EVC: variants seen among roughly 807,000 people sequenced by gnomAD.
EVC encodes the protein EvC ciliary complex subunit 1.
A neutral mutation model predicts 118.9 loss-of-function variants in EVC; 116 were observed. The ratio of observed to expected loss-of-function variants is 0.98; its 90% CI spans 0.84 to 1.14. EVC has a LOEUF of 1.14. EVC is among the 50% of genes most tolerant of loss of function. The probability of loss-of-function intolerance (pLI) is 0.00; values close to 1 mark genes in which losing one functional copy is unlikely to be tolerated. For missense variants in EVC, 1,401 were observed against 1,246.4 expected, an observed-to-expected ratio of 1.12 and a Z score of -1.87; for synonymous variants, 619 against 534.7, an observed-to-expected ratio of 1.16 and a Z score of -2.18.
Position 5,811,357 on chromosome 4 carries a change from C to T in EVC, c.*320C>T. 1 of 371,646 alleles carries T rather than the reference C, an allele frequency of 2.7e-6. No homozygotes were observed. The highest frequency in any genetic ancestry group is 2.4e-5 in the South Asian group (1 of 41,432). The allele number at this position is 371,646 out of a possible 1,614,324, so 23.0% of individuals were successfully genotyped here. On this transcript the variant is annotated 3_prime_UTR_variant, in exon 21 of 21. Transcript: ENST00000264956. Reference sequence around the variant, plus strand: ...GGGGTCCGAGCCTCAGGCCAAGGACCCCTGATGCAGACTCTGGAATCCCTG... The same window carrying T: ...GGGGTCCGAGCCTCAGGCCAAGGACTCCTGATGCAGACTCTGGAATCCCTG...
chr4:5,801,895 G>A, intron 15 of EVC, 55 bp from the exon 16 acceptor site: 1 of 1,595,524 alleles, frequency 6.3e-7, no homozygotes, highest in Non-Finnish European at 8.5e-7. Context: ...ATGGGCCGTG[G>A]GTGGCTCCCA....
rs1729420854 is a variant in EVC, at chr4:5,746,835, TG to T, written c.940-1312del. On this transcript the variant is annotated intron_variant, in intron 7 of 20. Transcript: ENST00000264956. The surrounding 1 kb of genome is among the most constrained non-coding windows in gnomAD (Gnocchi z 5.8). ...CTGCCCATATTTAAGGAGGAGCGGA[TG>T]AGAAGAATTGGGACAAGAAAGCAGA... Among the ~76,000 whole-genome samples the T allele has an allele frequency of 6.6e-6, 1 of 151,986 alleles. No individual in the cohort carries two copies. The highest frequency in any genetic ancestry group is 1.9e-4 in the East Asian group (1 of 5,162).
intron 5 of EVC, among the ~76,000 whole-genome samples, chr4:5,735,601 A>G (rs1015860013): frequency 6.6e-6 from 1 of 152,166 alleles, no homozygotes; most frequent in African/African-American, 2.4e-5. Context: ...ACACTCTGGT[A>G]GGCTCAGTGC....
intron 1 of EVC, among the ~76,000 whole-genome samples, chr4:5,715,642 T>C (rs73200140): frequency 0.18 from 27,246 of 152,154 alleles, 2,535 homozygotes; most frequent in African/African-American, 0.21. Context: ...AACTTCTATG[T>C]CTGAAAATAT....
At chr4:5,720,482 T>A (rs1202974262) in intron 2 of EVC, among the ~76,000 whole-genome samples, 1 of 151,856 alleles carries the variant, frequency 6.6e-6, no homozygotes, top group Admixed American at 6.5e-5. Flanking sequence ...ACTTCTAGCC[T>A]CTGCTCCTTT....
chr4:5,753,068 G>A lies in EVC; in HGVS notation c.1315+16G>A. The stretch of plus-strand genomic sequence containing the variant: ...TTCAGCCGGGGTGAGCCGTGGGCAT[G>A]GGTGCCGCCGTCCACAACACTGGCC... On this transcript the variant is annotated intron_variant, in intron 9 of 20. Coordinates refer to ENST00000264956, the MANE Select transcript of EVC (RefSeq NM_153717.3). 1.3e-6 allele frequency: 2 copies of A among 1,566,744 alleles called. No individual in the cohort carries two copies. Among genetic ancestry groups the A allele is most frequent in the East Asian group, 2.3e-5 (1 of 42,756 alleles).
At chr4:5,792,732 C>T (rs532113359) in intron 12 of EVC, among the ~76,000 whole-genome samples, 42 of 152,264 alleles carry the variant, frequency 2.8e-4, no homozygotes, top group African/African-American at 9.9e-4. Flanking sequence ...GAAATGTCAC[C>T]ATATACGAAA....
intron 11 of EVC, among the ~76,000 whole-genome samples, chr4:5,773,193 A>C (rs1356728738): frequency 1.3e-5 from 2 of 152,162 alleles, no homozygotes; most frequent in South Asian, 2.1e-4. Context: ...GTTCACTTTT[A>C]GGACCCCCTC....
intron 11 of EVC, among the ~76,000 whole-genome samples, chr4:5,773,734 A>G (rs949203617): frequency 2.0e-5 from 3 of 152,050 alleles, no homozygotes; most frequent in African/African-American, 4.8e-5. Context: ...TGGATGGCCC[A>G]GTACTGCAGG....
At chr4:5,808,144 T>TC in intron 17 of EVC, 57 bp from the exon 18 acceptor site, 14 of 238,612 alleles carry the variant, frequency 5.9e-5, no homozygotes, top group Non-Finnish European at 8.7e-5. Context: ...CCTCCCTCCC[T>TC]CCCTCCCTCC....
At chr4:5,786,570 C>G (rs1711628597) in intron 12 of EVC, among the ~76,000 whole-genome samples, 1 of 152,170 alleles carries the variant, frequency 6.6e-6, no homozygotes, top group South Asian at 2.1e-4. Flanking sequence ...GATTACTTAA[C>G]TGCCTTAAAT....
intron 11 of EVC, among the ~76,000 whole-genome samples, chr4:5,772,162 C>T (rs947144328): frequency 2.6e-5 from 4 of 152,194 alleles, no homozygotes; most frequent in Admixed American, 6.5e-5. Context: ...TCCCACAGTG[C>T]TGGGATTACA....
At chr4:5,822,386 A>G in the EVC span, among the ~76,000 whole-genome samples, 2 of 151,280 alleles carry the variant, frequency 1.3e-5, no homozygotes, top group African/African-American at 2.4e-5. Context: ...GGTATTTTAC[A>G]TATTGTGTGT....
chr4:5,763,297 A>G (rs1315169799), intron 11 of EVC, among the ~76,000 whole-genome samples: 2 of 146,916 alleles, frequency 1.4e-5, no homozygotes. Context: ...TGTTTTGGTT[A>G]CTGTAGCCTT....
At chr4:5,802,220 AT>A in intron 16 of EVC, 126 bp downstream of exon 16, 4 of 1,348,672 alleles carry the variant, frequency 3.0e-6, no homozygotes, top group Non-Finnish European at 4.2e-6. Flanking sequence ...CAGTGTTTTA[AT>A]GTATTTATCC....
At chr4:5,772,357 T>A (rs73795070) in intron 11 of EVC, among the ~76,000 whole-genome samples, 7,929 of 133,980 alleles carry the variant, frequency 0.059, 696 homozygotes, top group African/African-American at 0.21. Flanking sequence ...GAGAGAAGAG[T>A]CGTTCAAGAA....
intron 2 of EVC, among the ~76,000 whole-genome samples, chr4:5,728,746 C>A (rs1473526982): frequency 6.6e-6 from 1 of 152,220 alleles, no homozygotes; most frequent in African/African-American, 2.4e-5. Context: ...GTGAATATGA[C>A]TGCATGTGCT....
At chr4:5,779,976 G>A (rs1364143445) in intron 11 of EVC, among the ~76,000 whole-genome samples, 1 of 151,748 alleles carries the variant, frequency 6.6e-6, no homozygotes, top group East Asian at 1.9e-4. Flanking sequence ...TTGGCTGTGG[G>A]TTTGTCATAG....
chr4:5,785,674 C>T (rs1227976386), intron 12 of EVC, among the ~76,000 whole-genome samples: 3 of 152,204 alleles, frequency 2.0e-5, no homozygotes, highest in Admixed American at 6.5e-5. Flanking sequence ...TCCTTGAGGA[C>T]GGCAACCCTG....
Sources: gnomAD v4.1 joint callset for allele counts (sites outside exome capture counted in the v4.1 genomes callset) on GRCh38, gnomAD v4.1.1 for gene constraint, Gnocchi (gnomAD v3.1) non-coding constraint, MANE v1.5 for transcripts, NCBI Gene and HGNC (gene_info 2026-07-23, HGNC 2026-07-21) for gene names.